FBXW8: variants seen among roughly 807,000 people sequenced by gnomAD.
FBXW8 encodes F-box/WD repeat-containing protein 8.
In FBXW8, 57 loss-of-function variants were observed where a neutral mutation model predicts 65.3. The observed-to-expected ratio is 0.87, with a 90% CI of 0.71 to 1.09. The LOEUF (loss-of-function observed/expected upper bound fraction) is 1.09, where lower values mean the gene tolerates loss of function less well. FBXW8 is among the 50% of genes least tolerant of loss of function. The pLI is 0.00. For synonymous variants in FBXW8, 308 were observed against 330.2 expected (o/e 0.93, Z 0.73); for missense variants, 777 against 814.8 (o/e 0.95, Z 0.57).
At chr12:116,912,960 C>CA (rs1200664217) in intron 1 of FBXW8, among the ~76,000 whole-genome samples, 3 of 152,188 alleles carry the variant, frequency 2.0e-5, no homozygotes, top group Non-Finnish European at 4.4e-5. Flanking sequence ...TGAAGAAACT[C>CA]AGAGATTCTC....
At chr12:117,000,387 A>C (rs1047086155) in intron 7 of FBXW8, among the ~76,000 whole-genome samples, 2 of 152,260 alleles carry the variant, frequency 1.3e-5, no homozygotes, top group African/African-American at 4.8e-5. Context: ...TACCACTGTC[A>C]TGGCTGAAGT....
intron 4 of FBXW8, among the ~76,000 whole-genome samples, chr12:116,956,004 A>G (rs1164459362): frequency 6.6e-6 from 1 of 152,196 alleles, no homozygotes; most frequent in Admixed American, 6.5e-5. Context: ...GTGTTTTGCA[A>G]TAAACTCTCT....
At chr12:116,951,963 G>A (rs1033522242) in intron 4 of FBXW8, among the ~76,000 whole-genome samples, 4 of 152,134 alleles carry the variant, frequency 2.6e-5, no homozygotes, top group African/African-American at 4.8e-5. Context: ...TCTTTTGTCC[G>A]TGAGTCTTTG....
chr12:116,953,188 T>C (rs1883396993), intron 4 of FBXW8, among the ~76,000 whole-genome samples: 1 of 152,250 alleles, frequency 6.6e-6, no homozygotes, highest in African/African-American at 2.4e-5. Flanking sequence ...GAGAAATGCC[T>C]ATGTCTGTTC....
intron 1 of FBXW8, among the ~76,000 whole-genome samples, chr12:116,919,695 G>C (rs753422342): frequency 6.6e-6 from 1 of 152,158 alleles, no homozygotes; most frequent in Non-Finnish European, 1.5e-5. Flanking sequence ...TGTTTGTTGA[G>C]TTGAAATAAT....
chr12:117,025,648 G>A (rs1191275867), intron 9 of FBXW8, among the ~76,000 whole-genome samples: 1 of 152,140 alleles, frequency 6.6e-6, no homozygotes, highest in South Asian at 2.1e-4. Context: ...TGCCTGGCCC[G>A]CCCCCTCGCT....
chr12:116,997,987 T>C (rs1953419739), intron 7 of FBXW8, among the ~76,000 whole-genome samples: 1 of 152,162 alleles, frequency 6.6e-6, no homozygotes, highest in South Asian at 2.1e-4. Context: ...AGCTAATTTT[T>C]ATATTTTTTA....
In FBXW8 at chr12:117,024,139, C is replaced by T; in HGVS notation, c.1368-8C>T. On this transcript the variant is annotated splice_polypyrimidine_tract_variant and splice_region_variant and intron_variant, in intron 8 of 10. Transcript: ENST00000652555. ...TTTCCCTTCTCTGCTCTTCCTGGGC[C>T]TGTCCAGGGTGAGGATCCACGACCT... The T allele has an allele frequency of 1.9e-6, 3 of 1,612,090 alleles. No homozygotes were observed. Among genetic ancestry groups the T allele is most frequent in the Non-Finnish European group, 2.5e-6 (3 of 1,178,766 alleles).
At chr12:116,933,052 T>G (rs1881896509) in intron 2 of FBXW8, among the ~76,000 whole-genome samples, 1 of 152,210 alleles carries the variant, frequency 6.6e-6, no homozygotes, top group African/African-American at 2.4e-5. Context: ...TAAACTGTGC[T>G]CAGAGCCTAT....
intron 4 of FBXW8, chr12:116,950,562 G>A (rs1883208315): frequency 6.6e-6 from 1 of 152,172 alleles, no homozygotes; most frequent in Non-Finnish European, 1.5e-5. Flanking sequence ...ATTCCTTAAA[G>A]AGCACCTTTT....
At chr12:117,007,558 C>T (rs1953708681) in intron 7 of FBXW8, among the ~76,000 whole-genome samples, 1 of 152,242 alleles carries the variant, frequency 6.6e-6, no homozygotes, top group Non-Finnish European at 1.5e-5. Context: ...CCATCCTCAA[C>T]ATCATCTTTG....
chr12:116,931,065 A>G (rs974026328), intron 2 of FBXW8, among the ~76,000 whole-genome samples: 1 of 152,210 alleles, frequency 6.6e-6, no homozygotes, highest in Non-Finnish European at 1.5e-5. Context: ...CTTCTTTATA[A>G]TAGTGTGAGA....
chr12:117,006,263 C>G (rs1048413621), intron 7 of FBXW8, among the ~76,000 whole-genome samples: 3 of 152,300 alleles, frequency 2.0e-5, no homozygotes, highest in Admixed American at 6.5e-5. Flanking sequence ...GGGTAAGGCT[C>G]TATCATCTCT....
intron 7 of FBXW8, among the ~76,000 whole-genome samples, chr12:116,998,683 G>A (rs1055826321): frequency 3.3e-5 from 5 of 150,084 alleles, no homozygotes; most frequent in Admixed American, 2.7e-4. Context: ...CAGTTCATGG[G>A]GAGCTAAGGG....
chr12:116,961,171 T>G lies in FBXW8; in HGVS notation c.678-3526T>G, dbSNP rs1463076103. 6.6e-6 allele frequency among the ~76,000 whole-genome samples: 1 copy of G among 152,128 alleles called. No individual in the cohort carries two copies. Among genetic ancestry groups the G allele is most frequent in the East Asian group, 1.9e-4 (1 of 5,190 alleles). On this transcript the variant is annotated intron_variant, in intron 4 of 10. Transcript: ENST00000652555. This position sits in a 1 kb window ranked among gnomAD's most constrained non-coding sequence, Gnocchi z 4.4. ...CCACCACACCTGGCTAATTTTTGCA[T>G]TTTTAGTAGAGACGAGGTTTCACCC...
intron 8 of FBXW8, among the ~76,000 whole-genome samples, chr12:117,022,547 CG>C (rs540305607): frequency 1.4e-3 from 208 of 152,118 alleles, no homozygotes; most frequent in African/African-American, 4.8e-3. Flanking sequence ...CCCAGCTATT[CG>C]GGACGCTGAG....
intron 4 of FBXW8, among the ~76,000 whole-genome samples, 200 bp from the exon 5 acceptor site, chr12:116,964,497 A>G (rs1465452504): frequency 6.6e-6 from 1 of 152,170 alleles, no homozygotes; most frequent in African/African-American, 2.4e-5. Flanking sequence ...GTGCTGTGAG[A>G]ATGTGAAGCG....
intron 5 of FBXW8, among the ~76,000 whole-genome samples, chr12:116,965,361 G>A (rs1193588497): frequency 1.3e-5 from 2 of 152,190 alleles, no homozygotes; most frequent in East Asian, 1.9e-4. Flanking sequence ...GACATTGATA[G>A]AATTCTTTTT....
chr12:116,991,890 C>T (rs548819268), intron 7 of FBXW8, among the ~76,000 whole-genome samples: 12 of 152,212 alleles, frequency 7.9e-5, no homozygotes, highest in African/African-American at 2.7e-4. Context: ...AATATTCTTA[C>T]ACCGTATGAT....
Sources: gnomAD v4.1 joint callset for allele counts (sites outside exome capture counted in the v4.1 genomes callset) on GRCh38, gnomAD v4.1.1 for gene constraint, Gnocchi (gnomAD v3.1) non-coding constraint, MANE v1.5 for transcripts, NCBI Gene and HGNC (gene_info 2026-07-23, HGNC 2026-07-21) for gene names.